The following DUSP10 variants were observed in gnomAD, a reference collection of about 807,000 sequenced individuals.
The protein encoded by DUSP10 is dual specificity protein phosphatase 10.
In DUSP10, 14 loss-of-function variants were observed where a neutral mutation model predicts 30.8. The ratio of observed to expected loss-of-function variants is 0.46; its 90% CI spans 0.30 to 0.71. DUSP10 has a LOEUF of 0.71. Among genes scored for constraint, DUSP10 ranks in the 30% least tolerant of loss-of-function variants. The pLI is 0.08. For missense variants in DUSP10, 550 were observed against 619.4 expected, an observed-to-expected ratio of 0.89 and a Z score of 1.19; for synonymous variants, 254 against 250.4, an observed-to-expected ratio of 1.01 and a Z score of -0.14.
At chr1:221,709,325 T>G (rs1001702154) in intron 2 of DUSP10, among the ~76,000 whole-genome samples, 1 of 149,778 alleles carries the variant, frequency 6.7e-6, no homozygotes. Flanking sequence ...AAAAAACCCG[T>G]GGCGGAGTGG....
chr1:221,741,398 A>G (rs1319748591), intron 1 of DUSP10, among the ~76,000 whole-genome samples: 1 of 152,062 alleles, frequency 6.6e-6, no homozygotes, highest in Admixed American at 6.5e-5. Flanking sequence ...CCCCACCTCC[A>G]CACAGAGTTC....
rs112747684 is a variant in DUSP10, at chr1:221,731,369, A to G, written c.811+7565T>C. Among the ~76,000 whole-genome samples the G allele has an allele frequency of 5.8e-3, 880 of 152,208 alleles. 12 individuals carry two copies. The highest frequency in any genetic ancestry group is 0.02 in the African/African-American group (845 of 41,506). ...CTTTCCATAGAGAGCATGCAGTGAA[A>G]ATAAACGAAGCCCTTATTCCTATCA... On this transcript the variant is annotated intron_variant, in intron 2 of 3. Coordinates refer to ENST00000366899, the MANE Select transcript of DUSP10 (RefSeq NM_007207.6).
chr1:221,725,333 A>G (rs1661395031), intron 2 of DUSP10, among the ~76,000 whole-genome samples: 1 of 152,202 alleles, frequency 6.6e-6, no homozygotes, highest in Non-Finnish European at 1.5e-5. Flanking sequence ...AAATGCATGT[A>G]TTAATATGAA....
intron 2 of DUSP10, among the ~76,000 whole-genome samples, chr1:221,729,858 A>G (rs549288602): frequency 1.4e-4 from 21 of 152,342 alleles, no homozygotes; most frequent in African/African-American, 5.1e-4. Context: ...TAAAAGAAAC[A>G]ATAGAAAATG....
chr1:221,719,670 G>C (rs888016618), intron 2 of DUSP10, among the ~76,000 whole-genome samples: 9 of 152,282 alleles, frequency 5.9e-5, no homozygotes, highest in Non-Finnish European at 1.3e-4. Flanking sequence ...GCGCTGACCT[G>C]GGATGCATCC....
chr1:221,707,494 T>C (rs1020614095), intron 2 of DUSP10, among the ~76,000 whole-genome samples: 2 of 152,174 alleles, frequency 1.3e-5, no homozygotes, highest in African/African-American at 4.8e-5. Flanking sequence ...TCCCACGAGT[T>C]ATGGGTCTAG....
At position 221,727,686 on chromosome 1, in the gene DUSP10, C is replaced by T. The variant is rs150067840; in HGVS notation, c.811+11248G>A. 1.8e-3 allele frequency among the ~76,000 whole-genome samples: 279 copies of T among 152,296 alleles called. 1 individual carries two copies. Among genetic ancestry groups the T allele is most frequent in the Middle Eastern group, 6.8e-3 (2 of 294 alleles). ...TTACCTTGCCATGTAAATGTGAGAA[C>T]TTATGATCAGTGAAGTTAATCTCCT... On this transcript the variant is annotated intron_variant, in intron 2 of 3. Coordinates refer to ENST00000366899, the MANE Select transcript of DUSP10 (RefSeq NM_007207.6).
chr1:221,739,096 A>G lies in DUSP10; in HGVS notation c.649T>C (p.Ser217Pro). ...AAAGAGTCCTTGCCTTCCCTACAGG[A>G]AATCAAGTCTAGGACAGTGATCTTG... The part of the protein sequence containing the change: ...QGKITVLDLI[S>P]CREGKDSFKR... The change falls in exon 2 of 4, where the codon TCC (serine) becomes CCC (proline). Residue 217 changes from serine (S) to proline (P), a missense_variant. By Grantham distance (74) the Ser-to-Pro change is moderately conservative. Coordinates refer to ENST00000366899, the MANE Select transcript of DUSP10 (RefSeq NM_007207.6). 6.2e-7 allele frequency: 1 copy of G among 1,614,232 alleles called. No homozygotes were observed. The highest frequency in any genetic ancestry group is 8.5e-7 in the Non-Finnish European group (1 of 1,180,046).
intron 2 of DUSP10, 135 bp downstream of exon 2, chr1:221,738,799 T>C (rs1661856289): frequency 8.6e-7 from 1 of 1,167,818 alleles, no homozygotes; most frequent in South Asian, 1.6e-5. Context: ...ATAAAGAGCA[T>C]AGAAGGGAAG....
chr1:221,704,924 T>G (rs1330803722), intron 3 of DUSP10, among the ~76,000 whole-genome samples: 1 of 152,174 alleles, frequency 6.6e-6, no homozygotes, highest in East Asian at 1.9e-4. Flanking sequence ...AGGCTGTTTT[T>G]TTCTTTCTCT....
chr1:221,736,453 A>G (rs1170495148), intron 2 of DUSP10, among the ~76,000 whole-genome samples: 1 of 152,134 alleles, frequency 6.6e-6, no homozygotes, highest in African/African-American at 2.4e-5. Context: ...CTGAAACACA[A>G]TCTTATCACC....
intron 2 of DUSP10, chr1:221,711,672 T>C (rs1319627952): frequency 1.3e-5 from 2 of 152,244 alleles, no homozygotes; most frequent in East Asian, 3.8e-4. Flanking sequence ...TGTCTCTGCA[T>C]CTCAGTTTAC....
At chr1:221,705,793 G>A (rs1039156503) in intron 3 of DUSP10, among the ~76,000 whole-genome samples, 2 of 152,226 alleles carry the variant, frequency 1.3e-5, no homozygotes, top group Non-Finnish European at 2.9e-5. Flanking sequence ...TCTGGTTACA[G>A]AGCACATAAA....
intron 2 of DUSP10, among the ~76,000 whole-genome samples, chr1:221,718,893 T>C (rs12074253): frequency 0.015 from 2,298 of 152,322 alleles, 68 homozygotes; most frequent in African/African-American, 0.052. Flanking sequence ...CTGTGAAACA[T>C]TCCCATTGGA....
chr1:221,718,856 C>A (rs148534817), intron 2 of DUSP10, among the ~76,000 whole-genome samples: 1 of 152,170 alleles, frequency 6.6e-6, no homozygotes, highest in Non-Finnish European at 1.5e-5. Context: ...ATGTCACATG[C>A]GAGCCTCACA....
intron 2 of DUSP10, among the ~76,000 whole-genome samples, chr1:221,712,739 C>T (rs1228937578): frequency 2.3e-5 from 3 of 128,618 alleles, no homozygotes; most frequent in African/African-American, 3.2e-5. Context: ...ATCTTAAAAG[C>T]CAACTCTAGA....
rs1661885014 is a variant in DUSP10, at chr1:221,739,474, G to C, written c.271C>G (p.Gln91Glu). 6.2e-7 allele frequency: 1 copy of C among 1,614,068 alleles called. No homozygotes were observed. Among genetic ancestry groups the C allele is most frequent in the Admixed American group, 1.7e-5 (1 of 60,000 alleles). ...GCGGCAATGGCTTGGGTTTGGGCCT[G>C]ATTGTCCTTGTCGTAGGTTGCCACA... is the stretch of plus-strand genomic sequence containing the variant. Reference protein sequence around the residue: ...CTVATYDKDNQAQTQAIAAGT... With the variant: ...CTVATYDKDNEAQTQAIAAGT... Residue 91 changes from glutamine to glutamate, a missense_variant, in exon 2 of 4, where the codon CAG becomes GAG. Transcript: ENST00000366899.
At position 221,739,348 on chromosome 1, in the gene DUSP10, C is replaced by G. The variant is rs1273566615; in HGVS notation, c.397G>C (p.Val133Leu). The G allele has an allele frequency of 1.2e-6, 2 of 1,613,914 alleles. No individual in the cohort carries two copies. Among genetic ancestry groups the G allele is most frequent in the African/African-American group, 1.3e-5 (1 of 74,914 alleles). ...NTGSLSPSSG[V>L]GSPVSGTPKQ... ...GGGGTCCCTGACACAGGGCTGCCCA[C>G]CCCACTTGATGGACTTAGAGAGCCT... Residue 133 changes from valine (V) to leucine (L), a missense_variant, in exon 2 of 4, where the codon GTG becomes CTG. Val to Leu is a conservative substitution (Grantham distance 32, BLOSUM62 1). Transcript: ENST00000366899.
At position 221,719,416 on chromosome 1, in the gene DUSP10, C is replaced by T. The variant is rs567891696; in HGVS notation, c.812-12950G>A. 3.4e-4 allele frequency among the ~76,000 whole-genome samples: 52 copies of T among 152,100 alleles called. No individual in the cohort carries two copies. In the South Asian group the frequency reaches 7.7e-3, roughly 22 times the overall value. On this transcript the variant is annotated intron_variant, in intron 2 of 3. Coordinates refer to ENST00000366899, the MANE Select transcript of DUSP10 (RefSeq NM_007207.6). ...TGAGGGCTGAGCTTTGACAGGTCCA[C>T]CTGAAGCAAGGTGAGGTCTCCATGC...
Sources: allele counts gnomAD v4.1 joint callset (sites outside exome capture counted in the v4.1 genomes callset), GRCh38; gene constraint gnomAD v4.1.1; transcripts MANE v1.5; gene names NCBI Gene and HGNC (gene_info 2026-07-23, HGNC 2026-07-21).